COMMD1: variants seen among roughly 807,000 people sequenced by gnomAD.
The protein encoded by COMMD1 is copper metabolism domain containing 1.
Under a neutral mutation model 17.2 loss-of-function variants are expected in COMMD1, and 10 were observed. That is an observed-to-expected ratio of 0.58 (90% CI 0.36 to 0.99). COMMD1 has a LOEUF of 0.99. Ranked by LOEUF, COMMD1 falls within the 50% of genes least tolerant of loss-of-function variation. The pLI is 0.01. For synonymous variants in COMMD1, 97 were observed against 91.6 expected, an observed-to-expected ratio of 1.06 and a Z score of -0.34; for missense variants, 270 against 231.8, an observed-to-expected ratio of 1.17 and a Z score of -1.07.
chr2:61,888,505 C>G, upstream of COMMD1: 1 of 1,611,488 alleles, frequency 6.2e-7, no homozygotes, highest in East Asian at 2.2e-5. Flanking sequence ...CATTCTCGGG[C>G]ATGGCAAACT....
At position 62,061,755 on chromosome 2, in the gene COMMD1, C is replaced by G. The variant is rs145091962; in HGVS notation, c.462+60773C>G. Among the ~76,000 whole-genome samples the G allele has an allele frequency of 5.0e-3, 755 of 151,802 alleles. 3 individuals are homozygous for G. The highest frequency in any genetic ancestry group is 0.017 in the African/African-American group (703 of 41,434). On this transcript the variant is annotated intron_variant, in intron 2 of 2. Coordinates refer to ENST00000311832, the MANE Select transcript of COMMD1 (RefSeq NM_152516.4). The stretch of plus-strand genomic sequence containing the variant: ...TATTTTCAGTAGACACAGGGTTTCA[C>G]TGTGTTAGCCAGGATAGGATGGTCT...
chr2:62,130,447 G>T (rs1673000312), intron 2 of COMMD1, among the ~76,000 whole-genome samples: 1 of 151,890 alleles, frequency 6.6e-6, no homozygotes, highest in African/African-American at 2.4e-5. Context: ...TTTTGAATCA[G>T]TATTGGTTAG....
intron 1 of COMMD1, among the ~76,000 whole-genome samples, chr2:61,985,040 T>TC (rs1208793766): frequency 5.4e-5 from 8 of 147,446 alleles, no homozygotes; most frequent in Admixed American, 5.4e-4. Context: ...TCTATGTGTG[T>TC]CTTTTTTTTT....
At chr2:61,976,873 G>T (rs1199247892) in intron 1 of COMMD1, among the ~76,000 whole-genome samples, 1 of 151,348 alleles carries the variant, frequency 6.6e-6, no homozygotes, top group African/African-American at 2.4e-5. Flanking sequence ...CTGTTGTCCA[G>T]GCTGGGGTAC....
chr2:62,073,581 A>G (rs1275519861), intron 2 of COMMD1, among the ~76,000 whole-genome samples: 1 of 152,086 alleles, frequency 6.6e-6, no homozygotes, highest in East Asian at 1.9e-4. Flanking sequence ...TGTAATTTCT[A>G]TTTCCCTAAA....
At chr2:62,124,078 T>TC (rs1235577872) in intron 2 of COMMD1, among the ~76,000 whole-genome samples, 4 of 152,136 alleles carry the variant, frequency 2.6e-5, no homozygotes, top group Non-Finnish European at 2.9e-5. Flanking sequence ...GGTGGGCAGA[T>TC]CACAAGGTCA....
chr2:62,084,071 T>A (rs1671595647), intron 2 of COMMD1, among the ~76,000 whole-genome samples: 1 of 152,212 alleles, frequency 6.6e-6, no homozygotes, highest in Non-Finnish European at 1.5e-5. Context: ...TTGTATTGTT[T>A]TGTTTTTCTT....
At chr2:62,010,801 T>A (rs1669256601) in intron 2 of COMMD1, among the ~76,000 whole-genome samples, 1 of 152,214 alleles carries the variant, frequency 6.6e-6, no homozygotes. Context: ...CACCATCACC[T>A]CTCTCCTAGA....
At chr2:62,022,229 T>C (rs1194395340) in intron 2 of COMMD1, among the ~76,000 whole-genome samples, 2 of 152,120 alleles carry the variant, frequency 1.3e-5, no homozygotes, top group Admixed American at 6.5e-5. Flanking sequence ...GGGCAGATAG[T>C]ATACAATCGT....
At chr2:62,086,809 A>G (rs1039741550) in intron 2 of COMMD1, among the ~76,000 whole-genome samples, 3 of 151,956 alleles carry the variant, frequency 2.0e-5, no homozygotes, top group East Asian at 3.9e-4. Flanking sequence ...GACAATTTCT[A>G]TATGCAAAAC....
At chr2:62,119,998 C>T (rs1041278075) in intron 2 of COMMD1, among the ~76,000 whole-genome samples, 6 of 152,026 alleles carry the variant, frequency 3.9e-5, no homozygotes, top group Admixed American at 3.9e-4. Context: ...TATTCTTTTT[C>T]TTTTTTTATT....
At chr2:62,086,684 G>A (rs759117393) in intron 2 of COMMD1, among the ~76,000 whole-genome samples, 3 of 152,028 alleles carry the variant, frequency 2.0e-5, no homozygotes, top group Admixed American at 1.3e-4. Context: ...TAACCTAAAT[G>A]TCCTCAATGT....
chr2:61,891,067 T>C (rs1028786714), intron 1 of COMMD1, among the ~76,000 whole-genome samples: 14 of 152,192 alleles, frequency 9.2e-5, no homozygotes, highest in African/African-American at 2.7e-4. Flanking sequence ...ACTTATTAGC[T>C]ATGTGACCTA....
At chr2:62,120,437 C>A (rs1174326569) in intron 2 of COMMD1, among the ~76,000 whole-genome samples, 1 of 151,986 alleles carries the variant, frequency 6.6e-6, no homozygotes, top group East Asian at 1.9e-4. Context: ...GGGCCCTAAT[C>A]TGAACTTCAA....
At chr2:62,019,681 A>G (rs1220670304) in intron 2 of COMMD1, among the ~76,000 whole-genome samples, 1 of 152,170 alleles carries the variant, frequency 6.6e-6, no homozygotes, top group Non-Finnish European at 1.5e-5. Flanking sequence ...TTGTCACACC[A>G]TGTTAGGCGA....
chr2:61,967,257 A>T (rs1289113297), intron 1 of COMMD1, among the ~76,000 whole-genome samples: 1 of 152,164 alleles, frequency 6.6e-6, no homozygotes, highest in Non-Finnish European at 1.5e-5. Flanking sequence ...TTTGTTTTTT[A>T]AAAAAATGTT....
chr2:61,938,903 A>G (rs2103629360), intron 1 of COMMD1, among the ~76,000 whole-genome samples: 1 of 152,328 alleles, frequency 6.6e-6, no homozygotes, highest in Non-Finnish European at 1.5e-5. Context: ...CCATTAGGGC[A>G]CCAACTAAAG....
intron 2 of COMMD1, among the ~76,000 whole-genome samples, chr2:62,065,992 T>A (rs1671027292): frequency 6.6e-6 from 1 of 152,182 alleles, no homozygotes; most frequent in South Asian, 2.1e-4. Flanking sequence ...GACTCAGGTG[T>A]AGAAATTGGG....
chr2:62,061,816 T>C (rs1670868742), intron 2 of COMMD1, among the ~76,000 whole-genome samples: 1 of 152,026 alleles, frequency 6.6e-6, no homozygotes, highest in African/African-American at 2.4e-5. Flanking sequence ...TGCTTTGGCC[T>C]CCCAAATGTT....
Sources: allele counts gnomAD v4.1 joint callset (sites outside exome capture counted in the v4.1 genomes callset), GRCh38; gene constraint gnomAD v4.1.1; transcripts MANE v1.5; gene names NCBI Gene and HGNC (gene_info 2026-07-23, HGNC 2026-07-21).